Variants in ROBO2 observed in about 807,000 individuals in gnomAD.
The protein encoded by ROBO2 is roundabout guidance receptor 2, also known as roundabout homolog 2.
A neutral mutation model predicts 160.8 loss-of-function variants in ROBO2; 53 were observed. The ratio of observed to expected loss-of-function variants is 0.33; its 90% CI spans 0.26 to 0.41. The LOEUF (loss-of-function observed/expected upper bound fraction) is 0.41. ROBO2 is among the 10% of genes least tolerant of loss of function. The probability of loss-of-function intolerance (pLI) is 1.00; values close to 1 mark genes in which losing one functional copy is unlikely to be tolerated. For synonymous variants in ROBO2, 664 were observed against 611.7 expected (o/e 1.09, Z -1.26); for missense variants, 1,577 against 1,722.4 (o/e 0.92, Z 1.49).
chr3:75,983,335 C>A (rs1286737988), intron 2 of ROBO2, among the ~76,000 whole-genome samples: 1 of 151,418 alleles, frequency 6.6e-6, no homozygotes, highest in Non-Finnish European at 1.5e-5. Context: ...TGGCAGTGTA[C>A]TGAAAGCACA....
chr3:77,012,718 TAAAA>T (rs2061994257), intron 2 of ROBO2, among the ~76,000 whole-genome samples: 1 of 152,210 alleles, frequency 6.6e-6, no homozygotes, highest in Admixed American at 6.5e-5. Context: ...AATACACTTT[TAAAA>T]ATTCAGGTTG....
chr3:77,176,212 G>C (rs1013743793), intron 2 of ROBO2, among the ~76,000 whole-genome samples: 1 of 151,344 alleles, frequency 6.6e-6, no homozygotes, highest in African/African-American at 2.4e-5. Context: ...AGAGCTAATT[G>C]AGAAAAAAAA....
chr3:77,404,273 G>A (rs2153515136), intron 2 of ROBO2, among the ~76,000 whole-genome samples: 1 of 152,214 alleles, frequency 6.6e-6, no homozygotes, highest in Middle Eastern at 3.4e-3. Flanking sequence ...GTATTTGTAG[G>A]ATGTAAGGAG....
intron 2 of ROBO2, among the ~76,000 whole-genome samples, chr3:76,991,169 A>G (rs758688000): frequency 5.3e-5 from 8 of 152,290 alleles, no homozygotes; most frequent in Non-Finnish European, 8.8e-5. Context: ...TATGCTGCTC[A>G]GTAAAATTCT....
chr3:76,700,108 A>C (rs909896334), intron 2 of ROBO2, among the ~76,000 whole-genome samples: 1 of 152,124 alleles, frequency 6.6e-6, no homozygotes, highest in African/African-American at 2.4e-5. Context: ...TGGCAAACAG[A>C]TGCCACAATC....
intron 2 of ROBO2, among the ~76,000 whole-genome samples, chr3:77,402,225 G>T (rs1003373272): frequency 6.7e-6 from 1 of 149,414 alleles, no homozygotes; most frequent in African/African-American, 2.6e-5. Context: ...TCTTAAGTGG[G>T]GATTGAATAA....
At chr3:77,607,657 A>T in intron 20 of ROBO2, 141 bp from the exon 22 acceptor site, 1 of 773,506 alleles carries the variant, frequency 1.3e-6, no homozygotes, top group Admixed American at 2.5e-5. Flanking sequence ...TTTTCTGATT[A>T]TATCATTTCA....
intron 2 of ROBO2, among the ~76,000 whole-genome samples, chr3:75,957,406 A>C (rs1948761262): frequency 6.6e-6 from 1 of 151,710 alleles, no homozygotes; most frequent in African/African-American, 2.4e-5. Flanking sequence ...TTTTCTCTTA[A>C]TTTTTAATGT....
chr3:77,384,675 GATA>G (rs2073914404), intron 2 of ROBO2, among the ~76,000 whole-genome samples: 1 of 152,110 alleles, frequency 6.6e-6, no homozygotes, highest in Admixed American at 6.5e-5. Context: ...TAACAAATAA[GATA>G]ATAAATTAAT....
intron 2 of ROBO2, among the ~76,000 whole-genome samples, chr3:77,210,508 G>A (rs1454896415): frequency 6.6e-6 from 1 of 152,026 alleles, no homozygotes; most frequent in Middle Eastern, 3.2e-3. Flanking sequence ...GACATAAAAA[G>A]TATTCACCAT....
intron 2 of ROBO2, among the ~76,000 whole-genome samples, chr3:75,990,499 A>C (rs1325317833): frequency 6.6e-6 from 1 of 152,206 alleles, no homozygotes; most frequent in Non-Finnish European, 1.5e-5. Flanking sequence ...GGTGGAGTGC[A>C]TTAATGCTCA....
At chr3:77,530,376 C>A (rs374480045) in intron 6 of ROBO2, among the ~76,000 whole-genome samples, 1 of 152,016 alleles carries the variant, frequency 6.6e-6, no homozygotes, top group African/African-American at 2.4e-5. Context: ...AGAAAGCCCC[C>A]TTTAGAAATC....
chr3:76,396,926 C>A (rs530965077), intron 2 of ROBO2, among the ~76,000 whole-genome samples: 1 of 152,182 alleles, frequency 6.6e-6, no homozygotes, highest in South Asian at 2.1e-4. Flanking sequence ...TCAATGCCAT[C>A]CCCATCAAGC....
intron 2 of ROBO2, among the ~76,000 whole-genome samples, chr3:76,474,815 C>T (rs74335468): frequency 6.6e-6 from 1 of 152,054 alleles, no homozygotes; most frequent in Non-Finnish European, 1.5e-5. Flanking sequence ...TCTGCAGATT[C>T]GAAACTGACT....
At position 76,803,592 on chromosome 3, in the gene ROBO2, A is replaced by G. The variant is rs143980947; in HGVS notation, c.110-294422A>G. ...AAAAAACACACAGACGTACACACATACAAACTTATCTTTCTCTACTTTTCT... is the reference window on the plus strand; with the variant it reads ...AAAAAACACACAGACGTACACACATGCAAACTTATCTTTCTCTACTTTTCT... On this transcript the variant is annotated intron_variant, in intron 2 of 26. Transcript: ENST00000487694. Among the ~76,000 whole-genome samples, 25 of 152,244 alleles carry G rather than the reference A, an allele frequency of 1.6e-4. No homozygotes were observed. The East Asian group carries it at 1.9e-3, about 12-fold the overall frequency.
At chr3:76,607,604 T>A (rs2087760421) in intron 2 of ROBO2, among the ~76,000 whole-genome samples, 1 of 152,188 alleles carries the variant, frequency 6.6e-6, no homozygotes, top group South Asian at 2.1e-4. Flanking sequence ...TCACTAAAAA[T>A]TCCCTCTGAT....
chr3:76,872,155 A>T (rs910571336), intron 2 of ROBO2, among the ~76,000 whole-genome samples: 4 of 152,160 alleles, frequency 2.6e-5, no homozygotes, highest in African/African-American at 9.7e-5. Flanking sequence ...AGTAATTATC[A>T]GTTGAACAAT....
At chr3:77,294,199 G>C (rs1238264737) in intron 2 of ROBO2, among the ~76,000 whole-genome samples, 1 of 140,866 alleles carries the variant, frequency 7.1e-6, no homozygotes, top group Non-Finnish European at 1.5e-5. Flanking sequence ...AAGTAAAATT[G>C]ACGGCTAAAA....
At chr3:76,433,114 A>G (rs2076513472) in intron 2 of ROBO2, among the ~76,000 whole-genome samples, 1 of 152,196 alleles carries the variant, frequency 6.6e-6, no homozygotes, top group Non-Finnish European at 1.5e-5. Flanking sequence ...GTTTTCTCAT[A>G]TATCTGCAGT....
Sources: allele counts gnomAD v4.1 joint callset (sites outside exome capture counted in the v4.1 genomes callset), GRCh38; gene constraint gnomAD v4.1.1; transcripts MANE v1.5; gene names NCBI Gene and HGNC (gene_info 2026-07-23, HGNC 2026-07-21).